The following DLGAP2 variants were observed in gnomAD, a reference collection of about 807,000 sequenced individuals.
DLGAP2 encodes the protein DLG associated protein 2.
DLGAP2 carries 26 observed loss-of-function variants against 100.3 expected under a neutral mutation model. The ratio of observed to expected loss-of-function variants is 0.26; its 90% CI spans 0.19 to 0.36. The LOEUF (loss-of-function observed/expected upper bound fraction) is 0.36. Ranked by LOEUF, DLGAP2 falls within the 10% of genes least tolerant of loss-of-function variation. The pLI is 1.00. For synonymous variants in DLGAP2, 886 were observed against 630.1 expected (o/e 1.41, Z -6.08); for missense variants, 1,858 against 1,453.2 (o/e 1.28, Z -4.53).
At chr8:905,867 C>T (rs1234929609) in intron 1 of DLGAP2, among the ~76,000 whole-genome samples, 1 of 151,862 alleles carries the variant, frequency 6.6e-6, no homozygotes, top group Non-Finnish European at 1.5e-5. Flanking sequence ...TCTCGCGGCC[C>T]TTTCCAATAC....
At chr8:1,271,762 G>A (rs1799588324) in intron 3 of DLGAP2, among the ~76,000 whole-genome samples, 1 of 152,120 alleles carries the variant, frequency 6.6e-6, no homozygotes, top group African/African-American at 2.4e-5. Flanking sequence ...TGTTTAAGAT[G>A]AATAAATTCT....
At position 1,640,664 on chromosome 8, in the gene DLGAP2, G is replaced by C. The variant is rs77210838; in HGVS notation, c.1810+7618G>C. Among the ~76,000 whole-genome samples, 1,403 of 152,228 alleles carry C rather than the reference G, an allele frequency of 9.2e-3. 24 individuals are homozygous for C. Among genetic ancestry groups the C allele is most frequent in the African/African-American group, 0.032 (1,335 of 41,520 alleles). On this transcript the variant is annotated intron_variant, in intron 8 of 14. Coordinates refer to ENST00000637795, the MANE Select transcript of DLGAP2 (RefSeq NM_001346810.2). ...ACGCCATCCCTGTGTCCCGGGTTCA[G>C]AGGCTTGTACCCGGGACTCGGGCAT...
intron 1 of DLGAP2, among the ~76,000 whole-genome samples, chr8:741,401 A>C (rs1820480359): frequency 1.3e-5 from 2 of 152,136 alleles, no homozygotes. Context: ...TCTTCTGTGC[A>C]CTGACTTCAT....
intron 1 of DLGAP2, among the ~76,000 whole-genome samples, chr8:767,087 G>C (rs572535238): frequency 6.6e-6 from 1 of 152,110 alleles, no homozygotes; most frequent in Non-Finnish European, 1.5e-5. Context: ...TTAGATCCAG[G>C]GTGCCATCCC....
At chr8:1,371,421 G>A (rs1454750307) in intron 3 of DLGAP2, among the ~76,000 whole-genome samples, 1 of 152,202 alleles carries the variant, frequency 6.6e-6, no homozygotes, top group Non-Finnish European at 1.5e-5. Context: ...CTGGACTCCA[G>A]GCATGGGAGA....
At chr8:879,693 T>C (rs1050250336) in intron 1 of DLGAP2, among the ~76,000 whole-genome samples, 48 of 152,220 alleles carry the variant, frequency 3.2e-4, no homozygotes, top group African/African-American at 1.1e-3. Context: ...ATTTTGTCAC[T>C]TGGCAAAATT....
chr8:1,589,968 C>T (rs59920349), intron 6 of DLGAP2, among the ~76,000 whole-genome samples: 1,626 of 152,250 alleles, frequency 0.011, 30 homozygotes, highest in African/African-American at 0.037. Context: ...GAAATTTACC[C>T]TCTCCAGTTC....
At chr8:1,413,775 G>C (rs1045533410) in intron 3 of DLGAP2, among the ~76,000 whole-genome samples, 1 of 152,228 alleles carries the variant, frequency 6.6e-6, no homozygotes, top group Non-Finnish European at 1.5e-5. Flanking sequence ...GGGTTAGATT[G>C]TGCAGGTCTC....
chr8:911,167 T>A (rs1401893409), intron 2 of DLGAP2, among the ~76,000 whole-genome samples: 1 of 152,192 alleles, frequency 6.6e-6, no homozygotes, highest in African/African-American at 2.4e-5. Flanking sequence ...TGCTTTAGTA[T>A]TTTTGACCCA....
At chr8:743,435 A>T (rs568498914) in intron 1 of DLGAP2, among the ~76,000 whole-genome samples, 2 of 152,172 alleles carry the variant, frequency 1.3e-5, no homozygotes, top group African/African-American at 4.8e-5. Flanking sequence ...GGGGTTGTGT[A>T]ATATATAACA....
chr8:1,200,378 C>T (rs531794678), intron 2 of DLGAP2, among the ~76,000 whole-genome samples: 2 of 152,326 alleles, frequency 1.3e-5, no homozygotes, highest in East Asian at 3.9e-4. Context: ...TAAAACTGTG[C>T]TTTCCGATGT....
At position 1,505,226 on chromosome 8, in the gene DLGAP2, A is replaced by C. The variant is rs1799865136; in HGVS notation, c.172+3795A>C. ...TGGATCTATAATTCTACTGGGTCAA[A>C]TTAAAATTAAAAACACTTCATAATG... On this transcript the variant is annotated intron_variant, in intron 4 of 14. Coordinates refer to ENST00000637795, the MANE Select transcript of DLGAP2 (RefSeq NM_001346810.2). Among the ~76,000 whole-genome samples the C allele has an allele frequency of 2.0e-5, 3 of 152,214 alleles. No homozygotes were observed. The South Asian group carries it at 6.2e-4, about 31-fold the overall frequency.
At chr8:1,041,030 G>C (rs1013016624) in intron 2 of DLGAP2, among the ~76,000 whole-genome samples, 1 of 152,214 alleles carries the variant, frequency 6.6e-6, no homozygotes, top group African/African-American at 2.4e-5. Context: ...CTTTGTGTGA[G>C]TGAGGATGGC....
At chr8:1,287,507 G>T (rs1799960096) in intron 3 of DLGAP2, among the ~76,000 whole-genome samples, 1 of 100,346 alleles carries the variant, frequency 1.0e-5, no homozygotes, top group Non-Finnish European at 1.9e-5. Flanking sequence ...GTTCTGTTAG[G>T]AGGGGAACTA....
rs1414579542 is a variant in DLGAP2 at position 1,549,284 on chromosome 8, G to C, written c.831G>C (p.Arg277Ser). 2 of 1,611,952 alleles carry C rather than the reference G, an allele frequency of 1.2e-6. No homozygotes were observed. The highest frequency in any genetic ancestry group is 2.7e-5 in the African/African-American group (2 of 74,944). ...HHAHHAKHSK[R>S]SKSKERKPEG... ...CCCACCACGCCAAGCACAGCAAGAG[G>C]AGCAAGAGCAAGGAGCGCAAGCCGG... The change falls in exon 5 of 15, where the codon AGG becomes AGC. Residue 277 changes from arginine to serine, a missense_variant. Coordinates refer to ENST00000637795, the MANE Select transcript of DLGAP2 (RefSeq NM_001346810.2).
intron 8 of DLGAP2, among the ~76,000 whole-genome samples, chr8:1,638,528 C>G (rs994306561): frequency 3.3e-5 from 5 of 152,126 alleles, no homozygotes; most frequent in African/African-American, 1.2e-4. Context: ...AATGAAGACC[C>G]GCGGCCCGGC....
chr8:1,180,747 G>T (rs1280328159), intron 2 of DLGAP2, among the ~76,000 whole-genome samples: 2 of 151,792 alleles, frequency 1.3e-5, no homozygotes, highest in Non-Finnish European at 2.9e-5. Flanking sequence ...GAGTCTGTGT[G>T]GGTGTGCCAG....
At chr8:1,182,608 A>G (rs1797413829) in intron 2 of DLGAP2, among the ~76,000 whole-genome samples, 1 of 152,168 alleles carries the variant, frequency 6.6e-6, no homozygotes, top group South Asian at 2.1e-4. Context: ...TCACTAGGAA[A>G]TGAGTGCTTT....
intron 2 of DLGAP2, among the ~76,000 whole-genome samples, chr8:1,125,543 C>T (rs1796145087): frequency 6.6e-6 from 1 of 152,172 alleles, no homozygotes; most frequent in African/African-American, 2.4e-5. Context: ...AACAACTCAA[C>T]TCTTAAAAAT....
Sources: gnomAD v4.1 joint callset for allele counts (sites outside exome capture counted in the v4.1 genomes callset) on GRCh38, gnomAD v4.1.1 for gene constraint, MANE v1.5 for transcripts, NCBI Gene and HGNC (gene_info 2026-07-23, HGNC 2026-07-21) for gene names.